Variants in SORCS2 observed in about 807,000 individuals in gnomAD.
SORCS2 encodes the protein sortilin related VPS10 domain containing receptor 2.
A neutral mutation model predicts 141.6 loss-of-function variants in SORCS2; 100 were observed. The ratio of observed to expected loss-of-function variants is 0.71; its 90% CI spans 0.60 to 0.83. The LOEUF is 0.83. Among genes scored for constraint, SORCS2 ranks in the 40% least tolerant of loss-of-function variants. The pLI, the probability that SORCS2 is intolerant of heterozygous loss-of-function variation, is 0.00. For missense variants in SORCS2, 1,646 were observed against 1,560.2 expected (o/e 1.05, Z -0.93); for synonymous variants, 789 against 676.9 (o/e 1.17, Z -2.57).
chr4:7,700,506 A>T (rs1724993889), intron 12 of SORCS2, among the ~76,000 whole-genome samples: 1 of 152,150 alleles, frequency 6.6e-6, no homozygotes, highest in Non-Finnish European at 1.5e-5. Flanking sequence ...ATCAATGGGG[A>T]GGAGAACTGT....
At chr4:7,694,240 G>C (rs529598755) in intron 11 of SORCS2, among the ~76,000 whole-genome samples, 363 of 152,252 alleles carry the variant, frequency 2.4e-3, no homozygotes, top group Non-Finnish European at 4.0e-3. Flanking sequence ...CTGAGGAGAG[G>C]AGGCCCAAAG....
chr4:7,520,861 C>G (rs1045005667), intron 2 of SORCS2, among the ~76,000 whole-genome samples: 2 of 152,204 alleles, frequency 1.3e-5, no homozygotes. Flanking sequence ...CAGTCAAGGT[C>G]CAGCTGCTGG....
At chr4:7,296,359 G>A (rs1000677727) in intron 1 of SORCS2, among the ~76,000 whole-genome samples, 57 of 152,354 alleles carry the variant, frequency 3.7e-4, no homozygotes, top group East Asian at 1.2e-3. Flanking sequence ...ATGCCTCAGC[G>A]AGGTTTTAGG....
intron 2 of SORCS2, among the ~76,000 whole-genome samples, chr4:7,514,486 C>T (rs181805294): frequency 2.0e-5 from 3 of 151,868 alleles, no homozygotes; most frequent in Admixed American, 1.3e-4. Context: ...GCGATATGTG[C>T]TATGAATAGA....
chr4:7,667,752 G>T (rs974862475), intron 8 of SORCS2, among the ~76,000 whole-genome samples: 6 of 152,218 alleles, frequency 3.9e-5, no homozygotes, highest in African/African-American at 1.4e-4. Context: ...GCCTTAGAAG[G>T]CGAAGAAGGG....
intron 1 of SORCS2, among the ~76,000 whole-genome samples, chr4:7,386,589 CAT>C (rs1179525065): frequency 6.8e-6 from 1 of 146,380 alleles, no homozygotes; most frequent in Non-Finnish European, 1.5e-5. Context: ...CACACATACA[CAT>C]TTGCACACAC....
At chr4:7,368,577 T>C (rs1172547138) in intron 1 of SORCS2, among the ~76,000 whole-genome samples, 2 of 152,214 alleles carry the variant, frequency 1.3e-5, no homozygotes, top group Non-Finnish European at 2.9e-5. Context: ...GGGCTGGTCC[T>C]GGTCACAACC....
chr4:7,713,191 T>C (rs1725943216), intron 15 of SORCS2, among the ~76,000 whole-genome samples: 1 of 152,132 alleles, frequency 6.6e-6, no homozygotes, highest in African/African-American at 2.4e-5. Flanking sequence ...GTACCATACA[T>C]GACATTGGGG....
chr4:7,430,834 C>T (rs12644312), intron 2 of SORCS2: 25,024 of 152,286 alleles, frequency 0.16, 2,533 homozygotes, highest in East Asian at 0.44. Context: ...AGCCTGAACG[C>T]GGCGGCTATG....
chr4:7,484,154 C>T (rs1423443759), intron 2 of SORCS2, among the ~76,000 whole-genome samples: 2 of 152,150 alleles, frequency 1.3e-5, no homozygotes, highest in African/African-American at 4.8e-5. Context: ...GTTATCCATC[C>T]CAGCGGTCCC....
chr4:7,353,417 G>C (rs1721066998), intron 1 of SORCS2, among the ~76,000 whole-genome samples: 1 of 152,208 alleles, frequency 6.6e-6, no homozygotes, highest in Admixed American at 6.5e-5. Context: ...GAAGGAGACA[G>C]GCACCCAGAG....
intron 2 of SORCS2, among the ~76,000 whole-genome samples, chr4:7,510,770 C>T (rs1732591270): frequency 6.6e-6 from 1 of 152,272 alleles, no homozygotes. Context: ...CCCGCATGGA[C>T]CGACGCTTGC....
intron 8 of SORCS2, among the ~76,000 whole-genome samples, chr4:7,670,202 T>G (rs1031342617): frequency 3.9e-5 from 6 of 152,238 alleles, no homozygotes; most frequent in African/African-American, 1.4e-4. Context: ...CCTTCTGTGT[T>G]AAAGGGTATA....
intron 3 of SORCS2, among the ~76,000 whole-genome samples, chr4:7,587,905 CA>C (rs1421999175): frequency 1.3e-5 from 2 of 152,190 alleles, no homozygotes; most frequent in African/African-American, 4.8e-5. Context: ...GTAGCAACAA[CA>C]AAAAGATGGA....
chr4:7,713,711 G>C (rs1725981147), intron 15 of SORCS2, among the ~76,000 whole-genome samples: 1 of 152,226 alleles, frequency 6.6e-6, no homozygotes, highest in South Asian at 2.1e-4. Flanking sequence ...TGCCTTAGCA[G>C]GGTGCATTGC....
chr4:7,215,970 C>G (rs1416379300), intron 1 of SORCS2, among the ~76,000 whole-genome samples: 1 of 151,978 alleles, frequency 6.6e-6, no homozygotes, highest in East Asian at 1.9e-4. Context: ...TGGCAACCCG[C>G]TCGGGTCCCC....
intron 2 of SORCS2, among the ~76,000 whole-genome samples, chr4:7,439,508 A>T (rs575687975): frequency 6.6e-6 from 1 of 152,286 alleles, no homozygotes; most frequent in East Asian, 1.9e-4. Context: ...ATCTTCACAC[A>T]CCTGCAGAAC....
chr4:7,435,705 A>G (rs766476726), intron 2 of SORCS2, among the ~76,000 whole-genome samples: 1 of 152,106 alleles, frequency 6.6e-6, no homozygotes, highest in African/African-American at 2.4e-5. Context: ...GTCATCTGTT[A>G]TCTTATCTTT....
At chr4:7,602,492 A>T (rs1717775978) in intron 3 of SORCS2, among the ~76,000 whole-genome samples, 1 of 146,950 alleles carries the variant, frequency 6.8e-6, no homozygotes, top group Non-Finnish European at 1.5e-5. Context: ...GGCGGGGCAG[A>T]GGCGCTCCCC....
Sources: allele counts gnomAD v4.1 joint callset (sites outside exome capture counted in the v4.1 genomes callset), GRCh38; gene constraint gnomAD v4.1.1; transcripts MANE v1.5; gene names NCBI Gene and HGNC (gene_info 2026-07-23, HGNC 2026-07-21).